AMPH: variants seen among roughly 807,000 people sequenced by gnomAD.
AMPH encodes the protein amphiphysin.
AMPH carries 49 observed loss-of-function variants against 99.1 expected under a neutral mutation model. The observed-to-expected ratio is 0.49, with a 90% CI of 0.39 to 0.63. The LOEUF (loss-of-function observed/expected upper bound fraction) is 0.63. Among genes scored for constraint, AMPH ranks in the 20% least tolerant of loss-of-function variants. The pLI is 0.00. For synonymous variants in AMPH, 314 were observed against 317.3 expected (o/e 0.99, Z 0.11); for missense variants, 759 against 863.4 (o/e 0.88, Z 1.52).
At chr7:38,502,358 T>G (rs1465902302) in intron 3 of AMPH, among the ~76,000 whole-genome samples, 2 of 152,168 alleles carry the variant, frequency 1.3e-5, no homozygotes. Context: ...CAGTGATAAC[T>G]TAGGCATCCC....
chr7:38,524,701 C>A (rs746544200), intron 2 of AMPH, among the ~76,000 whole-genome samples: 14 of 152,032 alleles, frequency 9.2e-5, no homozygotes, highest in Non-Finnish European at 1.6e-4. Context: ...GTTCTGTATA[C>A]TATTATTATA....
chr7:38,538,194 A>G (rs1230381848), intron 1 of AMPH, among the ~76,000 whole-genome samples: 1 of 152,252 alleles, frequency 6.6e-6, no homozygotes, highest in African/African-American at 2.4e-5. Flanking sequence ...TACTCATCAA[A>G]CAGGTAAATA....
intron 11 of AMPH, among the ~76,000 whole-genome samples, chr7:38,444,979 C>A (rs1388380807): frequency 5.0e-5 from 3 of 59,926 alleles, no homozygotes; most frequent in South Asian, 9.2e-4. Context: ...AGAAATATAT[C>A]CATATATATA....
intron 11 of AMPH, among the ~76,000 whole-genome samples, chr7:38,437,639 A>AAAAG (rs1554336213): frequency 3.1e-5 from 3 of 96,738 alleles, no homozygotes; most frequent in Non-Finnish European, 5.6e-5. Context: ...AAAAAAAAAA[A>AAAAG]AAAAGAAAAG....
At chr7:38,559,337 G>A (rs1036201265) in intron 1 of AMPH, among the ~76,000 whole-genome samples, 56 of 152,234 alleles carry the variant, frequency 3.7e-4, no homozygotes, top group African/African-American at 1.3e-3. Flanking sequence ...GATGAAGGAC[G>A]ATGAGGTGTA....
At chr7:38,467,295 C>T (rs1390041717) in intron 7 of AMPH, among the ~76,000 whole-genome samples, 1 of 152,146 alleles carries the variant, frequency 6.6e-6, no homozygotes. Context: ...AGAACACTTG[C>T]ACCTGTATTT....
chr7:38,529,144 C>T (rs888088225), intron 2 of AMPH, among the ~76,000 whole-genome samples: 4 of 152,194 alleles, frequency 2.6e-5, no homozygotes, highest in African/African-American at 7.2e-5. Flanking sequence ...TCCATCACTA[C>T]ACTCAAAAAT....
intron 1 of AMPH, among the ~76,000 whole-genome samples, chr7:38,547,310 T>TAAA (rs931880039): frequency 1.3e-5 from 2 of 152,094 alleles, no homozygotes; most frequent in Non-Finnish European, 2.9e-5. Context: ...TTTGTACACT[T>TAAA]AAACTATGAG....
intron 1 of AMPH, among the ~76,000 whole-genome samples, chr7:38,550,015 A>G (rs959113504): frequency 6.6e-5 from 10 of 152,234 alleles, no homozygotes; most frequent in African/African-American, 2.4e-4. Context: ...AGAACATTGA[A>G]AGAATGTTGT....
At chr7:38,509,196 A>G (rs1186643957) in intron 2 of AMPH, among the ~76,000 whole-genome samples, 2 of 152,208 alleles carry the variant, frequency 1.3e-5, no homozygotes, top group East Asian at 3.8e-4. Flanking sequence ...ACAGATATTA[A>G]TGCAGAAGAT....
At chr7:38,550,236 C>G (rs763364119) in intron 1 of AMPH, among the ~76,000 whole-genome samples, 2 of 152,236 alleles carry the variant, frequency 1.3e-5, no homozygotes, top group African/African-American at 4.8e-5. Context: ...CCAGCATCAG[C>G]CTCACCAGGG....
chr7:38,391,755 A>G lies in AMPH; in HGVS notation c.1871T>C (p.Leu624Pro). The change falls in exon 19 of 21, where the codon CTC becomes CCC. Residue 624 changes from leucine to proline, a missense_variant. By Grantham distance (98) the Leu-to-Pro change is moderately conservative. This residue lies in a region of AMPH where 554 missense variants were observed against 575.6 expected (regional missense o/e 0.96). Coordinates refer to ENST00000356264, the MANE Select transcript of AMPH (RefSeq NM_001635.4). ...CTTAAAAAATAAGAATACCTTGTAG[A>G]GAAAGCCAGGAGGCAATTCCTGAGA... ...EASQELPPGF[L>P]YKVETLHDFE... 1 of 1,613,568 alleles carries G rather than the reference A, an allele frequency of 6.2e-7. No homozygotes were observed. Among genetic ancestry groups the G allele is most frequent in the Non-Finnish European group, 8.5e-7 (1 of 1,179,848 alleles).
chr7:38,577,845 C>T (rs573386128), intron 1 of AMPH, among the ~76,000 whole-genome samples: 86 of 151,504 alleles, frequency 5.7e-4, no homozygotes, highest in Non-Finnish European at 9.6e-4. Flanking sequence ...GGAGGGAAGA[C>T]GGAACATAAA....
At chr7:38,614,486 C>T (rs1181974776) in intron 1 of AMPH, among the ~76,000 whole-genome samples, 1 of 152,154 alleles carries the variant, frequency 6.6e-6, no homozygotes, top group Non-Finnish European at 1.5e-5. Context: ...CGCATGAGTT[C>T]TCTGATGGCC....
At chr7:38,399,337 CA>C (rs1477943195) in intron 17 of AMPH, among the ~76,000 whole-genome samples, 2 of 152,340 alleles carry the variant, frequency 1.3e-5, no homozygotes, top group East Asian at 3.9e-4. Flanking sequence ...GTCTGATGAT[CA>C]GGGGGCATCA....
chr7:38,464,072 C>G (rs934462442), intron 9 of AMPH: 4 of 1,289,752 alleles, frequency 3.1e-6, no homozygotes, highest in Non-Finnish European at 4.0e-6. Flanking sequence ...AATAGAGATG[C>G]CACTGAGCTC....
intron 1 of AMPH, among the ~76,000 whole-genome samples, chr7:38,564,863 A>G (rs1358984390): frequency 2.6e-5 from 4 of 152,238 alleles, no homozygotes; most frequent in Non-Finnish European, 5.9e-5. Flanking sequence ...AGTGGCTCAC[A>G]CCTGTAATCC....
chr7:38,492,180 C>G (rs2129020503), intron 4 of AMPH, among the ~76,000 whole-genome samples: 1 of 152,320 alleles, frequency 6.6e-6, no homozygotes, highest in East Asian at 1.9e-4. Flanking sequence ...CTCCACTTCC[C>G]AGACTCCTTT....
intron 15 of AMPH, among the ~76,000 whole-genome samples, chr7:38,424,328 G>A (rs1584071272): frequency 6.6e-6 from 1 of 152,312 alleles, no homozygotes; most frequent in East Asian, 1.9e-4. Flanking sequence ...AGATGGAATA[G>A]AAAGGGTTAA....
Sources: gnomAD v4.1 joint callset for allele counts (sites outside exome capture counted in the v4.1 genomes callset) on GRCh38, gnomAD v4.1.1 for gene constraint, gnomAD v4.1.1 regional missense constraint, MANE v1.5 for transcripts, NCBI Gene and HGNC (gene_info 2026-07-23, HGNC 2026-07-21) for gene names.